Variants in CYP3A43 observed in about 807,000 individuals in gnomAD.
CYP3A43 encodes cytochrome P450 family 3 subfamily A member 43, also known as cytochrome P450 3A43.
Under a neutral mutation model 58.0 loss-of-function variants are expected in CYP3A43, and 45 were observed. That is an observed-to-expected ratio of 0.78 (90% CI 0.61 to 0.99). CYP3A43 has a LOEUF of 0.99. CYP3A43 is among the 50% of genes least tolerant of loss of function. The probability of loss-of-function intolerance (pLI) is 0.00; values close to 1 mark genes in which losing one functional copy is unlikely to be tolerated. For missense variants in CYP3A43, 593 were observed against 591.9 expected (o/e 1.00, Z -0.02); for synonymous variants, 191 against 201.4 (o/e 0.95, Z 0.44).
chr7:99,842,060 T>A (rs368442841), intron 3 of CYP3A43, among the ~76,000 whole-genome samples: 37 of 152,352 alleles, frequency 2.4e-4, no homozygotes, highest in African/African-American at 8.9e-4. Context: ...AAAATTTTAG[T>A]GACCTTTTAT....
chr7:99,850,045 C>T, intron 7 of CYP3A43: 1 of 444,098 alleles, frequency 2.3e-6, no homozygotes. Flanking sequence ...AAACCTCCAC[C>T]TCCTGGGTTC....
At chr7:99,846,373 T>C (rs1014632984) in intron 4 of CYP3A43, among the ~76,000 whole-genome samples, 2 of 152,246 alleles carry the variant, frequency 1.3e-5, no homozygotes, top group South Asian at 4.1e-4. Context: ...ATTTTTACTG[T>C]ATTTTCAGAT....
At chr7:99,861,924 T>C (rs1818253742) in intron 11 of CYP3A43, 85 bp downstream of exon 11, 2 of 1,185,736 alleles carry the variant, frequency 1.7e-6, no homozygotes, top group East Asian at 4.7e-5. Context: ...TGGCAATCAT[T>C]TGAATATGTG....
intron 2 of CYP3A43, chr7:99,838,794 A>T: frequency 1.6e-6 from 1 of 607,282 alleles, no homozygotes; most frequent in Non-Finnish European, 2.5e-6. Flanking sequence ...AGCTTTGCCA[A>T]CATGGTGAAA....
At chr7:99,843,407 A>G (rs575408426) in intron 3 of CYP3A43, among the ~76,000 whole-genome samples, 34 of 152,304 alleles carry the variant, frequency 2.2e-4, no homozygotes, top group African/African-American at 7.5e-4. Flanking sequence ...GTTAACAAGA[A>G]GATAAAAGAA....
Position 99,830,687 on chromosome 7 carries a change from C to T in CYP3A43, c.71+2501C>T, listed in dbSNP as rs189570075. On this transcript the variant is annotated intron_variant, in intron 1 of 12. Coordinates refer to ENST00000354829, the MANE Select transcript of CYP3A43 (RefSeq NM_057095.3). ...CTCATGTCTTGTGTCACCCACTCCC[C>T]ATCAGAAGATACTACATTTTTATAG... Among the ~76,000 whole-genome samples, 26 of 152,248 alleles carry T rather than the reference C, an allele frequency of 1.7e-4. No homozygotes were observed. The East Asian group carries it at 4.6e-3, about 27-fold the overall frequency.
At position 99,837,730 on chromosome 7, in the gene CYP3A43, A is replaced by G. The variant is rs142013450; in HGVS notation, c.165+1184A>G. The stretch of plus-strand genomic sequence containing the variant: ...AAACTTATTCAAAATTTAATTATCT[A>G]AACAGGAGGTAATATGTGTCTCATA... On this transcript the variant is annotated intron_variant, in intron 2 of 12. Coordinates refer to ENST00000354829, the MANE Select transcript of CYP3A43 (RefSeq NM_057095.3). 6.2e-4 allele frequency among the ~76,000 whole-genome samples: 94 copies of G among 152,352 alleles called. 1 individual carries two copies. In the East Asian group the frequency reaches 0.018, roughly 29 times the overall value.
chr7:99,855,635 G>T lies in CYP3A43; in HGVS notation c.715G>T (p.Gly239Cys), dbSNP rs150984481. Reference sequence around the variant, plus strand: ...CCCAGTTTTTGAAGCCCTAAATATCGGTTTGTTTCCAAAAGATGTTACCCA... The same window carrying T: ...CCCAGTTTTTGAAGCCCTAAATATCTGTTTGTTTCCAAAAGATGTTACCCA... ...LTPVFEALNI[G>C]LFPKDVTHFL... The change falls in exon 8 of 13, where the codon GGT becomes TGT. Residue 239 changes from glycine (G) to cysteine (C), a missense_variant. Coordinates refer to ENST00000354829, the MANE Select transcript of CYP3A43 (RefSeq NM_057095.3). 1.9e-6 allele frequency: 3 copies of T among 1,612,956 alleles called. No individual in the cohort carries two copies. Among genetic ancestry groups the T allele is most frequent in the Admixed American group, 1.7e-5 (1 of 59,906 alleles).
intron 2 of CYP3A43, chr7:99,838,791 C>T: frequency 3.1e-6 from 2 of 650,692 alleles, no homozygotes; most frequent in East Asian, 6.4e-5. Flanking sequence ...ACCAGCTTTG[C>T]CAACATGGTG....
At chr7:99,829,096 C>A (rs1816737761) in intron 1 of CYP3A43, among the ~76,000 whole-genome samples, 2 of 152,278 alleles carry the variant, frequency 1.3e-5, no homozygotes, top group South Asian at 4.1e-4. Flanking sequence ...CTCATTCAGT[C>A]CTTATTTTAG....
intron 5 of CYP3A43, 34 bp downstream of exon 5, chr7:99,847,635 T>G: frequency 6.2e-7 from 1 of 1,610,860 alleles, no homozygotes; most frequent in Non-Finnish European, 8.5e-7. Context: ...ATTAGAAACT[T>G]AAAGGATGAA....
At chr7:99,838,680 T>C in intron 2 of CYP3A43, 1 of 1,288,612 alleles carries the variant, frequency 7.8e-7, no homozygotes, top group Middle Eastern at 2.1e-4. Context: ...CCTTAAGAGG[T>C]CTCTGAATAA....
intron 1 of CYP3A43, among the ~76,000 whole-genome samples, chr7:99,834,006 C>T (rs796377609): frequency 6.6e-6 from 1 of 152,170 alleles, no homozygotes; most frequent in South Asian, 2.1e-4. Flanking sequence ...TGCCATCTTG[C>T]ACATTCTAGC....
chr7:99,858,733 C>T (rs962626798), intron 9 of CYP3A43, among the ~76,000 whole-genome samples: 2 of 151,224 alleles, frequency 1.3e-5, no homozygotes, highest in Admixed American at 1.3e-4. Context: ...CACTCTGTCA[C>T]CCAGGCTGGA....
At chr7:99,842,597 C>T (rs564763250) in intron 3 of CYP3A43, among the ~76,000 whole-genome samples, 56 of 152,066 alleles carry the variant, frequency 3.7e-4, no homozygotes, top group Non-Finnish European at 7.2e-4. Context: ...ATACTGTGGT[C>T]CTTTATGAAA....
At chr7:99,833,949 A>G (rs1455739921) in intron 1 of CYP3A43, among the ~76,000 whole-genome samples, 2 of 152,256 alleles carry the variant, frequency 1.3e-5, no homozygotes, top group African/African-American at 4.8e-5. Context: ...CCATCCTCCA[A>G]ATAAGGAATC....
At chr7:99,863,977 T>G (rs62471959) in intron 12 of CYP3A43, among the ~76,000 whole-genome samples, 6,583 of 148,624 alleles carry the variant, frequency 0.044, 300 homozygotes, top group Admixed American at 0.065. Flanking sequence ...AAATTCAGTT[T>G]CATGTCAACT....
chr7:99,849,534 T>G lies in CYP3A43; in HGVS notation c.522-12T>G, dbSNP rs761256522. Reference sequence around the variant, plus strand: ...GTGCTGGTTTTAATTTTCCATGTTTTACTCTACTCAGTTTCTTTGGGGCCT... The same window carrying G: ...GTGCTGGTTTTAATTTTCCATGTTTGACTCTACTCAGTTTCTTTGGGGCCT... On this transcript the variant is annotated splice_polypyrimidine_tract_variant and intron_variant, in intron 6 of 12. Transcript: ENST00000354829. 1 of 1,581,824 alleles carries G rather than the reference T, an allele frequency of 6.3e-7. No individual in the cohort carries two copies. Among genetic ancestry groups the G allele is most frequent in the Non-Finnish European group, 8.5e-7 (1 of 1,171,152 alleles).
intron 9 of CYP3A43, among the ~76,000 whole-genome samples, chr7:99,857,283 TG>T (rs1372813835): frequency 6.6e-6 from 1 of 152,214 alleles, no homozygotes; most frequent in Non-Finnish European, 1.5e-5. Context: ...AAACACTTGG[TG>T]AAAGTGTGTT....
Sources: gnomAD v4.1 joint callset for allele counts (sites outside exome capture counted in the v4.1 genomes callset) on GRCh38, gnomAD v4.1.1 for gene constraint, MANE v1.5 for transcripts, NCBI Gene and HGNC (gene_info 2026-07-23, HGNC 2026-07-21) for gene names.